Variants in STON2 observed in about 807,000 individuals in gnomAD.
STON2 encodes stonin-2.
In STON2, 29 loss-of-function variants were observed where a neutral mutation model predicts 65.7. The ratio of observed to expected loss-of-function variants is 0.44; its 90% CI spans 0.33 to 0.60. The LOEUF (loss-of-function observed/expected upper bound fraction) is 0.60. STON2 is among the 20% of genes least tolerant of loss of function. The probability of loss-of-function intolerance (pLI) is 0.03; values close to 1 mark genes in which losing one functional copy is unlikely to be tolerated. For missense variants in STON2, 1,054 were observed against 1,118.1 expected (o/e 0.94, Z 0.82); for synonymous variants, 404 against 414.2 (o/e 0.98, Z 0.30).
Position 81,371,570 on chromosome 14 carries a change from C to T in STON2, c.374-385G>A, listed in dbSNP as rs113824261. Among the ~76,000 whole-genome samples, 407 of 151,490 alleles carry T rather than the reference C, an allele frequency of 2.7e-3. 1 individual carries two copies. The highest frequency in any genetic ancestry group is 9.4e-3 in the African/African-American group (389 of 41,262). ...TTTAGCCAAGCATGGTGGCTGGAGC[C>T]CGTAGTCCCAGCTACTCGGGAGGCT... On this transcript the variant is annotated intron_variant, in intron 3 of 7. Coordinates refer to ENST00000614646, the MANE Select transcript of STON2 (RefSeq NM_001394390.1).
chr14:81,366,319 G>A (rs943404976), intron 4 of STON2, among the ~76,000 whole-genome samples: 1 of 152,198 alleles, frequency 6.6e-6, no homozygotes, highest in Non-Finnish European at 1.5e-5. Context: ...AGATGACAGG[G>A]AAGAGGCTGT....
chr14:81,417,687 C>T (rs1337873807), intron 2 of STON2, among the ~76,000 whole-genome samples: 3 of 152,078 alleles, frequency 2.0e-5, no homozygotes, highest in African/African-American at 7.2e-5. Flanking sequence ...AGAAAAATTA[C>T]GGGTGAAAAG....
chr14:81,280,125 C>T (rs2140128410), intron 5 of STON2, among the ~76,000 whole-genome samples: 1 of 152,088 alleles, frequency 6.6e-6, no homozygotes, highest in Non-Finnish European at 1.5e-5. Context: ...TTTTCCATCT[C>T]GAAGTTTATT....
At chr14:81,283,920 G>A (rs1818712449) in intron 5 of STON2, among the ~76,000 whole-genome samples, 1 of 152,156 alleles carries the variant, frequency 6.6e-6, no homozygotes, top group South Asian at 2.1e-4. Context: ...CTGTCTCTGG[G>A]TCACGTTTTG....
At chr14:81,427,866 A>G (rs1323467715) in intron 1 of STON2, among the ~76,000 whole-genome samples, 3 of 152,156 alleles carry the variant, frequency 2.0e-5, no homozygotes, top group Non-Finnish European at 4.4e-5. Context: ...AACTCTTTAG[A>G]GCACATTTCC....
chr14:81,267,225 A>G lies in STON2; in HGVS notation c.*1189T>C, dbSNP rs553916690. ...TAATTGTCCCAGAAACAGATGAAGA[A>G]AAAGAAGATGGAGTGAGCGTTCTGA... On this transcript the variant is annotated 3_prime_UTR_variant, in exon 8 of 8. Coordinates refer to ENST00000614646, the MANE Select transcript of STON2 (RefSeq NM_001394390.1). 1 of 985,406 alleles carries G rather than the reference A, an allele frequency of 1.0e-6. No homozygotes were observed. The highest frequency in any genetic ancestry group is 1.1e-4 in the East Asian group (1 of 8,808). The allele number at this position is 985,406 out of a possible 1,614,324, so 61.0% of individuals were successfully genotyped here.
At chr14:81,429,417 T>A (rs1031240216) in intron 1 of STON2, among the ~76,000 whole-genome samples, 1 of 152,240 alleles carries the variant, frequency 6.6e-6, no homozygotes, top group African/African-American at 2.4e-5. Context: ...GATTAGATTT[T>A]ATTTATATAG....
intron 5 of STON2, among the ~76,000 whole-genome samples, chr14:81,312,649 A>G (rs1166200983): frequency 1.3e-5 from 2 of 152,174 alleles, no homozygotes; most frequent in African/African-American, 4.8e-5. Flanking sequence ...CAGCATCTAG[A>G]CTTAGCCTAG....
intron 5 of STON2, among the ~76,000 whole-genome samples, chr14:81,308,042 A>G (rs548822560): frequency 1.3e-5 from 2 of 152,284 alleles, no homozygotes; most frequent in South Asian, 2.1e-4. Context: ...AAGCTGTTAT[A>G]TCTTTATCTT....
chr14:81,328,807 T>G (rs201592115), intron 4 of STON2, among the ~76,000 whole-genome samples: 1 of 151,930 alleles, frequency 6.6e-6, no homozygotes, highest in Non-Finnish European at 1.5e-5. Flanking sequence ...GCCCGGCACC[T>G]CCCCTCTCAC....
chr14:81,404,634 G>T (rs2140459660), upstream of STON2, among the ~76,000 whole-genome samples: 1 of 152,178 alleles, frequency 6.6e-6, no homozygotes, highest in East Asian at 1.9e-4. Flanking sequence ...CTCCTGAGTA[G>T]CTGGGTCTAT....
chr14:81,423,118 T>A (rs893560816), intron 2 of STON2, among the ~76,000 whole-genome samples: 10 of 152,150 alleles, frequency 6.6e-5, no homozygotes, highest in African/African-American at 2.4e-4. Flanking sequence ...AACATGACCT[T>A]CTATAGGTAT....
intron 4 of STON2, among the ~76,000 whole-genome samples, chr14:81,337,973 A>T (rs955746491): frequency 6.6e-6 from 1 of 152,190 alleles, no homozygotes; most frequent in Non-Finnish European, 1.5e-5. Context: ...AGATAAAAAG[A>T]AAAAGAAAAA....
At chr14:81,403,508 C>T (rs1387003231), upstream of STON2, among the ~76,000 whole-genome samples, 3 of 152,132 alleles carry the variant, frequency 2.0e-5, no homozygotes, top group Non-Finnish European at 4.4e-5. Context: ...TGAGGGAATG[C>T]TAAAAGGTAC....
intron 4 of STON2, chr14:81,333,350 C>A: frequency 1.9e-6 from 1 of 514,410 alleles, no homozygotes. Flanking sequence ...AGATAGTTAC[C>A]ATGTCATTCA....
intron 2 of STON2, among the ~76,000 whole-genome samples, chr14:81,405,531 T>TA (rs1462545461): frequency 6.7e-6 from 1 of 150,326 alleles, no homozygotes; most frequent in Non-Finnish European, 1.5e-5. Flanking sequence ...GGTTTTTTTT[T>TA]TTTTTTTGCA....
At chr14:81,413,403 G>A (rs1901265864) in intron 2 of STON2, among the ~76,000 whole-genome samples, 1 of 140,456 alleles carries the variant, frequency 7.1e-6, no homozygotes, top group Non-Finnish European at 1.5e-5. Context: ...AGTTTGTTGT[G>A]GTTACAAAAC....
rs1898957395 is a variant in STON2 at position 81,370,972 on chromosome 14, T to TA, written c.571+15dup. On this transcript the variant is annotated intron_variant, in intron 4 of 7. Transcript: ENST00000614646. ...AAGTGATTTGCAAAGCCCTCTGGCT[T>TA]AGAGCTCCATCTTACCAGTTGAGTC... The TA allele has an allele frequency of 6.2e-7, 1 of 1,610,756 alleles. No individual in the cohort carries two copies. The highest frequency in any genetic ancestry group is 2.2e-5 in the East Asian group (1 of 44,826).
intron 5 of STON2, among the ~76,000 whole-genome samples, chr14:81,285,734 A>AAAAACTAC (rs1157848708): frequency 4.6e-5 from 7 of 152,238 alleles, no homozygotes; most frequent in African/African-American, 7.2e-5. Flanking sequence ...ACTAGGGCTG[A>AAAAACTAC]AAAACTACAG....
Sources: gnomAD v4.1 joint callset for allele counts (sites outside exome capture counted in the v4.1 genomes callset) on GRCh38, gnomAD v4.1.1 for gene constraint, MANE v1.5 for transcripts, NCBI Gene and HGNC (gene_info 2026-07-23, HGNC 2026-07-21) for gene names.